SDK1: variants seen among roughly 807,000 people sequenced by gnomAD.
The protein encoded by SDK1 is sidekick cell adhesion molecule 1, also known as protein sidekick-1.
Under a neutral mutation model 245.5 loss-of-function variants are expected in SDK1, and 157 were observed. The observed-to-expected ratio is 0.64, with a 90% CI of 0.56 to 0.73. The LOEUF is 0.73. Ranked by LOEUF, SDK1 falls within the 30% of genes least tolerant of loss-of-function variation. The pLI, the probability that SDK1 is intolerant of heterozygous loss-of-function variation, is 0.00. For synonymous variants in SDK1, 1,647 were observed against 1,278.5 expected (o/e 1.29, Z -6.15); for missense variants, 3,583 against 3,002.3 (o/e 1.19, Z -4.52).
chr7:3,498,170 G>C (rs935153366), intron 1 of SDK1, among the ~76,000 whole-genome samples: 6 of 152,138 alleles, frequency 3.9e-5, no homozygotes, highest in African/African-American at 1.2e-4. Context: ...CTTCTTTTCT[G>C]TGTGGGGTTT....
At chr7:3,884,791 C>G (rs1781298089) in intron 5 of SDK1, among the ~76,000 whole-genome samples, 1 of 152,180 alleles carries the variant, frequency 6.6e-6, no homozygotes, top group African/African-American at 2.4e-5. Context: ...GTGGCTCCTT[C>G]CAACTTGTGA....
chr7:3,732,725 C>CAG (rs1779215020), intron 4 of SDK1, among the ~76,000 whole-genome samples: 1 of 152,200 alleles, frequency 6.6e-6, no homozygotes, highest in Non-Finnish European at 1.5e-5. Flanking sequence ...AATTTGGTGA[C>CAG]AGAGAGGGTA....
chr7:3,763,876 G>A (rs1422364463), intron 4 of SDK1, among the ~76,000 whole-genome samples: 1 of 152,066 alleles, frequency 6.6e-6, no homozygotes, highest in Non-Finnish European at 1.5e-5. Flanking sequence ...ATGATTTTAC[G>A]AATGTATGCA....
chr7:4,086,831 C>T (rs1203864414), intron 22 of SDK1, among the ~76,000 whole-genome samples: 6 of 152,248 alleles, frequency 3.9e-5, no homozygotes, highest in Non-Finnish European at 7.4e-5. Context: ...CCTCATTCAG[C>T]CTCAAGCTAG....
intron 14 of SDK1, among the ~76,000 whole-genome samples, chr7:4,007,917 A>AT (rs984182547): frequency 2.0e-5 from 3 of 152,168 alleles, no homozygotes; most frequent in Non-Finnish European, 4.4e-5. Flanking sequence ...TGAAACACAC[A>AT]TAAAAAATCC....
rs1010339436 is a variant in SDK1 at position 3,523,907 on chromosome 7, G to A, written c.299-95173G>A. ...TGGCAAAAATATTGCTGTGATTGTG[G>A]TTATAGCCCCTGCTGTCAGCTTGAG... On this transcript the variant is annotated intron_variant, in intron 1 of 44. Transcript: ENST00000404826. Among the ~76,000 whole-genome samples, 6 of 152,078 alleles carry A rather than the reference G, an allele frequency of 3.9e-5. 1 individual carries two copies. In the South Asian group the frequency reaches 1.2e-3, roughly 32 times the overall value.
At chr7:3,749,573 A>C (rs1363632391) in intron 4 of SDK1, among the ~76,000 whole-genome samples, 1 of 152,198 alleles carries the variant, frequency 6.6e-6, no homozygotes, top group East Asian at 1.9e-4. Context: ...TGCTGGGATT[A>C]GAGGTGTGAG....
At chr7:4,240,618 C>T (rs1370218065) in intron 42 of SDK1, among the ~76,000 whole-genome samples, 3 of 152,198 alleles carry the variant, frequency 2.0e-5, no homozygotes, top group East Asian at 3.8e-4. Flanking sequence ...GAAATGCCAA[C>T]GCACTTAGCA....
intron 39 of SDK1, among the ~76,000 whole-genome samples, chr7:4,220,937 C>G (rs1027779385): frequency 2.8e-5 from 4 of 144,982 alleles, no homozygotes; most frequent in Admixed American, 7.0e-5. Flanking sequence ...GTGCAAGCCA[C>G]CACACCTGGC....
At chr7:3,599,501 T>C (rs2128638235) in intron 1 of SDK1, among the ~76,000 whole-genome samples, 1 of 152,356 alleles carries the variant, frequency 6.6e-6, no homozygotes, top group East Asian at 1.9e-4. Context: ...ATTTTTCTTT[T>C]GTGCATTATG....
At chr7:3,466,979 T>TACACACACACACACACACAC (rs11269597) in intron 1 of SDK1, among the ~76,000 whole-genome samples, 25 of 127,588 alleles carry the variant, frequency 2.0e-4, no homozygotes, top group South Asian at 2.9e-4. Context: ...TCTCTCTCTC[T>TACACACACACACACACACAC]ACACACACAC....
intron 1 of SDK1, among the ~76,000 whole-genome samples, chr7:3,495,777 C>T (rs1583949625): frequency 6.6e-6 from 1 of 152,226 alleles, no homozygotes; most frequent in East Asian, 1.9e-4. Context: ...CCTCGTGGAC[C>T]CAGTTCTACC....
intron 9 of SDK1, among the ~76,000 whole-genome samples, chr7:3,963,094 G>A (rs1393066776): frequency 2.9e-5 from 4 of 136,696 alleles, no homozygotes; most frequent in East Asian, 2.2e-4. Context: ...CTACCTGGAT[G>A]TAACCAGTGG....
At chr7:3,582,951 T>C (rs1464480976) in intron 1 of SDK1, among the ~76,000 whole-genome samples, 1 of 152,080 alleles carries the variant, frequency 6.6e-6, no homozygotes, top group Admixed American at 6.5e-5. Context: ...CAAGCAATCG[T>C]ATAGGTAATG....
chr7:4,231,500 T>C (rs1009917933), intron 40 of SDK1, among the ~76,000 whole-genome samples: 18 of 150,130 alleles, frequency 1.2e-4, no homozygotes, highest in African/African-American at 4.4e-4. Flanking sequence ...TTGAGTCCAG[T>C]AGTTTGAGGC....
At chr7:4,256,584 C>T (rs537967332) in intron 44 of SDK1, among the ~76,000 whole-genome samples, 4 of 152,376 alleles carry the variant, frequency 2.6e-5, no homozygotes, top group South Asian at 2.1e-4. Flanking sequence ...GGGTTTAAGA[C>T]GTTTATCCTC....
intron 17 of SDK1, among the ~76,000 whole-genome samples, chr7:4,027,673 G>C (rs1321986491): frequency 6.6e-6 from 1 of 152,204 alleles, no homozygotes; most frequent in Non-Finnish European, 1.5e-5. Context: ...AAGAGAAGAT[G>C]AATAGTAATA....
intron 1 of SDK1, among the ~76,000 whole-genome samples, chr7:3,422,552 G>C (rs2128581301): frequency 6.6e-6 from 1 of 152,234 alleles, no homozygotes; most frequent in South Asian, 2.1e-4. Flanking sequence ...TAGTAACTTG[G>C]GAGGCTGAGG....
At chr7:3,389,745 C>T (rs922607271) in intron 1 of SDK1, among the ~76,000 whole-genome samples, 1 of 74,748 alleles carries the variant, frequency 1.3e-5, no homozygotes, top group African/African-American at 5.9e-5. Flanking sequence ...ACAGCCTGGG[C>T]AACAGAAATA....
Sources: allele counts gnomAD v4.1 joint callset (sites outside exome capture counted in the v4.1 genomes callset), GRCh38; gene constraint gnomAD v4.1.1; transcripts MANE v1.5; gene names NCBI Gene and HGNC (gene_info 2026-07-23, HGNC 2026-07-21).